The following DACH2 variants were observed in gnomAD, a reference collection of about 807,000 sequenced individuals.
The protein encoded by DACH2 is dachshund family transcription factor 2.
DACH2 carries 17 observed loss-of-function variants against 35.8 expected under a neutral mutation model. That is an observed-to-expected ratio of 0.48 (90% CI 0.33 to 0.71). The LOEUF (loss-of-function observed/expected upper bound fraction) is 0.71. Ranked by LOEUF, DACH2 falls within the 30% of genes least tolerant of loss-of-function variation. The pLI, the probability that DACH2 is intolerant of heterozygous loss-of-function variation, is 0.02. For missense variants in DACH2, 469 were observed against 472.7 expected, an observed-to-expected ratio of 0.99 and a Z score of 0.07; for synonymous variants, 195 against 177.3, an observed-to-expected ratio of 1.10 and a Z score of -0.79.
At chrX:86,706,764 C>T (rs1026810066) in intron 5 of DACH2, among the ~76,000 whole-genome samples, 8 of 107,715 alleles carry the variant, frequency 7.4e-5, no homozygotes, top group African/African-American at 2.7e-4. Context: ...AAAAAGAACC[C>T]CCAAGAAAAA....
intron 1 of DACH2, 70 bp from the exon 2 acceptor site, chrX:86,376,754 G>C (rs1453927617): frequency 1.8e-6 from 2 of 1,087,933 alleles, no homozygotes; most frequent in South Asian, 2.4e-5. Flanking sequence ...TGCTTAATTG[G>C]AAGCTAACTA....
chrX:86,270,102 T>C (rs2147971223), intron 1 of DACH2, among the ~76,000 whole-genome samples: 1 of 105,302 alleles, frequency 9.5e-6, no homozygotes, highest in African/African-American at 3.4e-5. Flanking sequence ...AGATGATTCT[T>C]CCACTGGGTT....
intron 4 of DACH2, among the ~76,000 whole-genome samples, chrX:86,663,706 C>CA (rs919001125): frequency 1.3e-4 from 14 of 109,237 alleles, no homozygotes; most frequent in African/African-American, 2.3e-4. Context: ...TCTTTCTTGG[C>CA]AAAAAAAAAG....
At chrX:86,229,635 A>T (rs1427290117) in intron 1 of DACH2, among the ~76,000 whole-genome samples, 1 of 110,047 alleles carries the variant, frequency 9.1e-6, no homozygotes, top group Admixed American at 9.7e-5. Context: ...GTCATCTATG[A>T]TTTCTGGTAG....
At chrX:86,412,837 G>A (rs2036637150) in intron 2 of DACH2, among the ~76,000 whole-genome samples, 1 of 111,631 alleles carries the variant, frequency 9.0e-6, no homozygotes. Context: ...AGCTTCTACA[G>A]CAGCCTAGAC....
chrX:86,294,273 A>G (rs953317481), intron 1 of DACH2, among the ~76,000 whole-genome samples: 1 of 111,326 alleles, frequency 9.0e-6, no homozygotes, highest in African/African-American at 3.3e-5. Context: ...TTTCAGCTCC[A>G]TCAGCTCCTT....
At chrX:86,725,012 C>T (rs1334736529) in intron 6 of DACH2, among the ~76,000 whole-genome samples, 2 of 99,855 alleles carry the variant, frequency 2.0e-5, no homozygotes, top group Non-Finnish European at 2.0e-5. Flanking sequence ...ATGAACTTTT[C>T]GGTTCTGGAA....
Position 86,202,820 on chromosome X carries a change from A to G in DACH2, c.488+53712A>G, listed in dbSNP as rs182713974. Among the ~76,000 whole-genome samples the G allele has an allele frequency of 9.2e-4, 102 of 111,340 alleles. No individual in the cohort carries two copies. In the Admixed American group the frequency reaches 9.6e-3, roughly 10 times the overall value. On this transcript the variant is annotated intron_variant, in intron 1 of 11. Coordinates refer to ENST00000373125, the MANE Select transcript of DACH2 (RefSeq NM_053281.3). ...GAAATAACATTGACAAGATTTGGTG[A>G]TTGAAAGAATAATGTAAGAGAGGGA...
chrX:86,553,645 G>C (rs2039079521), intron 3 of DACH2, among the ~76,000 whole-genome samples: 1 of 111,861 alleles, frequency 8.9e-6, no homozygotes, highest in Non-Finnish European at 1.9e-5. Context: ...GTAAGTAGAT[G>C]AGTTTAGACA....
At chrX:86,391,559 G>A (rs184316495) in intron 2 of DACH2, among the ~76,000 whole-genome samples, 406 of 110,581 alleles carry the variant, frequency 3.7e-3, no homozygotes, top group Middle Eastern at 0.019. Flanking sequence ...TAAAAAATAC[G>A]GCTTTGAGGA....
chrX:86,643,248 C>A (rs865924580), intron 3 of DACH2, among the ~76,000 whole-genome samples: 1 of 103,995 alleles, frequency 9.6e-6, no homozygotes. Flanking sequence ...GAGAGAAGAT[C>A]CAAATAAACA....
chrX:86,227,906 G>C (rs2032861403), intron 1 of DACH2, among the ~76,000 whole-genome samples: 1 of 110,844 alleles, frequency 9.0e-6, no homozygotes, highest in African/African-American at 3.3e-5. Context: ...CTTTGTTTTT[G>C]AGCCAGTCAG....
Position 86,667,478 on chromosome X carries a change from AGAAG to A in DACH2, c.772+16319_772+16322del, listed in dbSNP as rs1339408011. Among the ~76,000 whole-genome samples the A allele has an allele frequency of 6.9e-5, 7 of 101,072 alleles. No individual in the cohort carries two copies. The East Asian group carries it at 1.6e-3, about 23-fold the overall frequency. The allele number at this position is 101,072 out of a possible 115,157, so 87.8% of individuals were successfully genotyped here. On this transcript the variant is annotated intron_variant, in intron 4 of 11. Coordinates refer to ENST00000373125, the MANE Select transcript of DACH2 (RefSeq NM_053281.3). ...AAGAAAGAATGAATGAAAGAAAGAA[AGAAG>A]GAAGGAAAGAAAGAAAGAGAAAGAA...
intron 1 of DACH2, among the ~76,000 whole-genome samples, chrX:86,295,061 G>A (rs77433498): frequency 8.9e-6 from 1 of 112,779 alleles, no homozygotes; most frequent in Non-Finnish European, 1.9e-5. Context: ...TGCTGTGCTA[G>A]CAATCAGCCA....
At chrX:86,545,050 C>T (rs1386808014) in intron 3 of DACH2, among the ~76,000 whole-genome samples, 2 of 111,959 alleles carry the variant, frequency 1.8e-5, no homozygotes, top group Non-Finnish European at 3.8e-5. Context: ...CCACCTGGGA[C>T]TCCCAAACTG....
At chrX:86,462,147 CAT>C (rs1318152144) in intron 2 of DACH2, among the ~76,000 whole-genome samples, 10 of 111,109 alleles carry the variant, frequency 9.0e-5, no homozygotes, top group Non-Finnish European at 1.9e-4. Flanking sequence ...TGATAAAAAA[CAT>C]GTGCTATAAG....
rs1275195628 is a variant in DACH2 at position 86,277,961 on chromosome X, A to G, written c.489-98863A>G. Among the ~76,000 whole-genome samples the G allele has an allele frequency of 2.7e-5, 3 of 111,809 alleles. No homozygotes were observed. The East Asian group carries it at 8.4e-4, about 31-fold the overall frequency. ...ATGCAACAACAATGGACCATTTCTCAATCGGATTGTGATGTGCGACGAAAA... is the reference window on the plus strand; with the variant it reads ...ATGCAACAACAATGGACCATTTCTCGATCGGATTGTGATGTGCGACGAAAA... On this transcript the variant is annotated intron_variant, in intron 1 of 11. Transcript: ENST00000373125.
At chrX:86,463,089 A>G (rs1331020430) in intron 2 of DACH2, among the ~76,000 whole-genome samples, 1 of 111,505 alleles carries the variant, frequency 9.0e-6, no homozygotes, top group Non-Finnish European at 1.9e-5. Flanking sequence ...AAGCACTACG[A>G]TAGAAACTAA....
chrX:86,472,415 G>A (rs1314817009), intron 2 of DACH2, among the ~76,000 whole-genome samples: 1 of 111,744 alleles, frequency 8.9e-6, no homozygotes, highest in African/African-American at 3.2e-5. Context: ...AGCGAATCCT[G>A]TTGACACCTT....
Sources: gnomAD v4.1 joint callset for allele counts (sites outside exome capture counted in the v4.1 genomes callset) on GRCh38, gnomAD v4.1.1 for gene constraint, MANE v1.5 for transcripts, NCBI Gene and HGNC (gene_info 2026-07-23, HGNC 2026-07-21) for gene names.